The following DLG1 variants were observed in gnomAD, a reference collection of about 807,000 sequenced individuals.
The protein encoded by DLG1 is disks large homolog 1.
In DLG1, 42 loss-of-function variants were observed where a neutral mutation model predicts 123.4. That is an observed-to-expected ratio of 0.34 (90% CI 0.27 to 0.44). The LOEUF (loss-of-function observed/expected upper bound fraction) is 0.44, where lower values mean the gene tolerates loss of function less well. Ranked by LOEUF, DLG1 falls within the 20% of genes least tolerant of loss-of-function variation. The pLI is 1.00. For missense variants in DLG1, 942 were observed against 1,082.6 expected (o/e 0.87, Z 1.82); for synonymous variants, 317 against 356.2 (o/e 0.89, Z 1.24).
intron 5 of DLG1, among the ~76,000 whole-genome samples, chr3:197,160,373 A>T (rs1798313034): frequency 1.3e-5 from 2 of 151,836 alleles, no homozygotes; most frequent in Non-Finnish European, 2.9e-5. Flanking sequence ...TCTATTAAAA[A>T]AAAAAAAAAC....
At position 197,042,573 on chromosome 3, in the gene DLG1, G is replaced by A. The variant is rs1720909830; in HGVS notation, c.*2050C>T. ...TTAACAAGGACATCCAGAAAACAAT[G>A]TTATGTAAATTTTAATATATAAATG... On this transcript the variant is annotated 3_prime_UTR_variant, in exon 25 of 25. Coordinates refer to ENST00000667157, the MANE Select transcript of DLG1 (RefSeq NM_001366207.1). 1 of 152,162 alleles carries A rather than the reference G, an allele frequency of 6.6e-6. No homozygotes were observed. Among genetic ancestry groups the A allele is most frequent in the African/African-American group, 2.4e-5 (1 of 41,440 alleles). The allele number at this position is 152,162 out of a possible 1,614,324, so 9.4% of individuals were successfully genotyped here.
intron 24 of DLG1, among the ~76,000 whole-genome samples, chr3:197,046,815 A>G (rs1723497188): frequency 6.6e-6 from 1 of 152,152 alleles, no homozygotes; most frequent in African/African-American, 2.4e-5. Flanking sequence ...GGTTCCAGTG[A>G]ACTGAGATCG....
At chr3:197,288,743 A>ATAC (rs1553827363) in intron 3 of DLG1, among the ~76,000 whole-genome samples, 1 of 72,100 alleles carries the variant, frequency 1.4e-5, no homozygotes, top group Non-Finnish European at 2.4e-5. Context: ...AAAAAAAAAA[A>ATAC]ATACATACAT....
chr3:197,047,440 A>G (rs2148661476), intron 24 of DLG1, among the ~76,000 whole-genome samples: 1 of 152,336 alleles, frequency 6.6e-6, no homozygotes, highest in African/African-American at 2.4e-5. Flanking sequence ...AGGTTTAAAA[A>G]CCATGACCCT....
intron 14 of DLG1, among the ~76,000 whole-genome samples, chr3:197,100,455 C>A (rs557243162): frequency 6.6e-6 from 1 of 152,246 alleles, no homozygotes; most frequent in East Asian, 1.9e-4. Context: ...AATATAAGAC[C>A]TAACCAATGG....
intron 22 of DLG1, among the ~76,000 whole-genome samples, chr3:197,064,236 C>A (rs921102608): frequency 3.3e-5 from 5 of 150,600 alleles, no homozygotes; most frequent in Non-Finnish European, 5.9e-5. Flanking sequence ...TCTTGTCACC[C>A]AGGTTGGAGT....
At chr3:197,191,868 G>A (rs1291624659) in intron 5 of DLG1, among the ~76,000 whole-genome samples, 11 of 152,116 alleles carry the variant, frequency 7.2e-5, no homozygotes, top group Admixed American at 7.2e-4. Context: ...AGTGAGATGA[G>A]AAAATACAAT....
chr3:197,298,198 C>T, intron 1 of DLG1: 1 of 275,018 alleles, frequency 3.6e-6, no homozygotes. Context: ...AGTGAGGAGG[C>T]GGCTCGCGCC....
intron 5 of DLG1, among the ~76,000 whole-genome samples, chr3:197,190,582 G>A (rs1332915215): frequency 2.0e-5 from 3 of 152,154 alleles, no homozygotes; most frequent in African/African-American, 4.8e-5. Flanking sequence ...ACAATGCTTC[G>A]CAACTGTGCC....
intron 13 of DLG1, 130 bp from the exon 14 acceptor site, chr3:197,105,135 GT>G: frequency 1.8e-6 from 1 of 553,970 alleles, no homozygotes; most frequent in Non-Finnish European, 3.2e-6. Context: ...AATGTTTCTT[GT>G]TCTGATTGAC....
At chr3:197,101,510 C>T (rs1007350705) in intron 14 of DLG1, among the ~76,000 whole-genome samples, 1 of 151,850 alleles carries the variant, frequency 6.6e-6, no homozygotes, top group African/African-American at 2.4e-5. Flanking sequence ...CTCAGCCTCG[C>T]GAGCAGCTGG....
rs55954488 is a variant in DLG1, at chr3:197,103,215, C to G, written c.1546+1688G>C. ...TCTACTTGGTTGTCCAGGTATCATA[C>G]CTGCCTTCTTAGTTTTAGTTAATAT... is the stretch of plus-strand genomic sequence containing the variant. On this transcript the variant is annotated intron_variant, in intron 14 of 24. Coordinates refer to ENST00000667157, the MANE Select transcript of DLG1 (RefSeq NM_001366207.1). Among the ~76,000 whole-genome samples, 6 of 152,074 alleles carry G rather than the reference C, an allele frequency of 3.9e-5. No individual in the cohort carries two copies. The East Asian group carries it at 7.7e-4, about 20-fold the overall frequency.
intron 5 of DLG1, among the ~76,000 whole-genome samples, chr3:197,194,104 T>C (rs1374295765): frequency 6.6e-6 from 1 of 152,192 alleles, no homozygotes; most frequent in Non-Finnish European, 1.5e-5. Flanking sequence ...ATGCACTGTT[T>C]CTATACCAAC....
chr3:197,130,343 C>A (rs1781871524), intron 11 of DLG1, among the ~76,000 whole-genome samples, 184 bp downstream of exon 11: 1 of 152,070 alleles, frequency 6.6e-6, no homozygotes, highest in Admixed American at 6.6e-5. Flanking sequence ...GGATCCCCCC[C>A]TTCTAATTAT....
In DLG1 at chr3:197,046,775, TGGGA is replaced by T. The variant is rs565030322; in HGVS notation, c.2576-2050_2576-2047del. ...GTCCCAGCTCCTTGGGAGGCTGAGGTGGGAGGATCACTTGAGCCTGGGAGGTGGA... is the reference window on the plus strand; with the variant it reads ...GTCCCAGCTCCTTGGGAGGCTGAGGTGGATCACTTGAGCCTGGGAGGTGGA... On this transcript the variant is annotated intron_variant, in intron 24 of 24. Coordinates refer to ENST00000667157, the MANE Select transcript of DLG1 (RefSeq NM_001366207.1). 3.2e-3 allele frequency among the ~76,000 whole-genome samples: 491 copies of T among 151,658 alleles called. 2 individuals are homozygous for T. The highest frequency in any genetic ancestry group is 0.01 in the Middle Eastern group (3 of 294).
At position 197,102,295 on chromosome 3, in the gene DLG1, G is replaced by A. The variant is rs149654264; in HGVS notation, c.1546+2608C>T. Among the ~76,000 whole-genome samples, 789 of 152,234 alleles carry A rather than the reference G, an allele frequency of 5.2e-3. 7 individuals are homozygous for A. The highest frequency in any genetic ancestry group is 0.018 in the African/African-American group (744 of 41,524). On this transcript the variant is annotated intron_variant, in intron 14 of 24. Transcript: ENST00000667157. ...ACTAATAAGGCAAACCATAGATCCT[G>A]AAAGATAAAAAACTTAATTCTACCA...
At chr3:197,154,199 G>A (rs1257192856) in intron 5 of DLG1, among the ~76,000 whole-genome samples, 1 of 151,916 alleles carries the variant, frequency 6.6e-6, no homozygotes, top group African/African-American at 2.4e-5. Flanking sequence ...CTACTTGGAA[G>A]GCTGAGGCAG....
chr3:197,260,715 G>A (rs759896806), intron 4 of DLG1, among the ~76,000 whole-genome samples: 5 of 112,562 alleles, frequency 4.4e-5, no homozygotes, highest in African/African-American at 1.4e-4. Flanking sequence ...GCTTCTCCTC[G>A]TTAGCTACAG....
At chr3:197,104,787 A>G (rs1765455064) in intron 14 of DLG1, 116 bp downstream of exon 14, 4 of 728,602 alleles carry the variant, frequency 5.5e-6, no homozygotes, top group South Asian at 5.3e-5. Flanking sequence ...AGCAAATCAG[A>G]AAAAAAGCAC....
Sources: gnomAD v4.1 joint callset for allele counts (sites outside exome capture counted in the v4.1 genomes callset) on GRCh38, gnomAD v4.1.1 for gene constraint, MANE v1.5 for transcripts, NCBI Gene and HGNC (gene_info 2026-07-23, HGNC 2026-07-21) for gene names.